Variants in AGPAT2 observed in about 807,000 individuals in gnomAD.
AGPAT2 encodes 1-acylglycerol-3-phosphate O-acyltransferase 2.
A neutral mutation model predicts 26.1 loss-of-function variants in AGPAT2; 18 were observed. The ratio of observed to expected loss-of-function variants is 0.69; its 90% CI spans 0.48 to 1.02. The LOEUF is 1.02. AGPAT2 is among the 50% of genes least tolerant of loss of function. The pLI, the probability that AGPAT2 is intolerant of heterozygous loss-of-function variation, is 0.00. For missense variants in AGPAT2, 415 were observed against 394.9 expected, an observed-to-expected ratio of 1.05 and a Z score of -0.43; for synonymous variants, 200 against 174.2, an observed-to-expected ratio of 1.15 and a Z score of -1.16.
At chr9:136,684,755 G>A (rs1467135265) in intron 1 of AGPAT2, among the ~76,000 whole-genome samples, 1 of 152,228 alleles carries the variant, frequency 6.6e-6, no homozygotes, top group Admixed American at 6.5e-5. Context: ...CTGGCTTGGG[G>A]ACCCTGCCCC....
intron 1 of AGPAT2, among the ~76,000 whole-genome samples, chr9:136,686,551 C>G (rs1159507801): frequency 6.6e-6 from 1 of 152,260 alleles, no homozygotes; most frequent in Admixed American, 6.5e-5. Context: ...TCCTTCCCTT[C>G]GCTTGGAAGC....
Position 136,680,469 on chromosome 9 carries a change from C to T in AGPAT2, c.183-2913G>A, listed in dbSNP as rs1382755687. ...CTCGAACTCCTGACCTCAGGTGATC[C>T]TCCCACCTCGGCCTCCCAAAGTGCT... On this transcript the variant is annotated intron_variant, in intron 1 of 5. Coordinates refer to ENST00000371696, the MANE Select transcript of AGPAT2 (RefSeq NM_006412.4). 4.6e-5 allele frequency among the ~76,000 whole-genome samples: 7 copies of T among 151,816 alleles called. 1 individual carries two copies. Among genetic ancestry groups the T allele is most frequent in the Admixed American group, 3.9e-4 (6 of 15,236 alleles).
At chr9:136,676,217 C>G (rs1489425191) in intron 4 of AGPAT2, among the ~76,000 whole-genome samples, 1 of 152,192 alleles carries the variant, frequency 6.6e-6, no homozygotes, top group Admixed American at 6.5e-5. Flanking sequence ...ACTGCCCATG[C>G]CCTGAAGCCC....
At chr9:136,674,089 T>C (rs1202011773) in intron 5 of AGPAT2, among the ~76,000 whole-genome samples, 162 bp from the exon 6 acceptor site, 2 of 152,216 alleles carry the variant, frequency 1.3e-5, no homozygotes, top group African/African-American at 2.4e-5. Flanking sequence ...GTTATTTTAA[T>C]TGCAGTAACG....
At chr9:136,685,685 TG>T (rs1846212749) in intron 1 of AGPAT2, among the ~76,000 whole-genome samples, 1 of 151,918 alleles carries the variant, frequency 6.6e-6, no homozygotes, top group Admixed American at 6.6e-5. Flanking sequence ...TTCCTCGGGG[TG>T]GGGGGCACCC....
rs751869602 is a variant in AGPAT2 at position 136,677,151 on chromosome 9, G to A, written c.317-15C>T. On this transcript the variant is annotated splice_polypyrimidine_tract_variant and intron_variant, in intron 2 of 5. Transcript: ENST00000371696. ...CTCCATGAGGCCTGGGAGACAGAGA[G>A]ACAGAGACAGAGAGAGAGGGGGAGA... The A allele has an allele frequency of 8.1e-6, 13 of 1,612,124 alleles. No individual in the cohort carries two copies. The highest frequency in any genetic ancestry group is 1.0e-5 in the Non-Finnish European group (12 of 1,179,574).
chr9:136,675,896 A>G (rs1846084445), intron 4 of AGPAT2, among the ~76,000 whole-genome samples: 1 of 152,144 alleles, frequency 6.6e-6, no homozygotes, highest in Non-Finnish European at 1.5e-5. Context: ...GCACAGGGCC[A>G]GGCACTGGGG....
intron 1 of AGPAT2, among the ~76,000 whole-genome samples, chr9:136,686,960 G>A (rs1239711112): frequency 6.6e-6 from 1 of 152,160 alleles, no homozygotes; most frequent in Non-Finnish European, 1.5e-5. Context: ...GTGGGGTGCT[G>A]GGCACTGTGA....
chr9:136,683,917 C>G (rs1846191446), intron 1 of AGPAT2, among the ~76,000 whole-genome samples: 1 of 152,228 alleles, frequency 6.6e-6, no homozygotes, highest in Admixed American at 6.5e-5. Context: ...TGGGTCAAAC[C>G]TTGCCCGACA....
rs12685163 is a variant in AGPAT2, at chr9:136,682,169, C to T, written c.183-4613G>A. On this transcript the variant is annotated intron_variant, in intron 1 of 5. Transcript: ENST00000371696. ...AGCTGGCAGAGTCGTGCTGGGGCGG[C>T]GCGGGCCCCCAGTAGGACTCTAGGA... 7.7e-4 allele frequency among the ~76,000 whole-genome samples: 117 copies of T among 152,300 alleles called. 2 individuals carry two copies. The East Asian group carries it at 0.02, about 26-fold the overall frequency.
intron 1 of AGPAT2, among the ~76,000 whole-genome samples, chr9:136,679,624 A>G (rs1217644523): frequency 6.6e-6 from 1 of 152,204 alleles, no homozygotes; most frequent in Non-Finnish European, 1.5e-5. Context: ...CGAGGAGGCA[A>G]AAGCCGGCAG....
intron 2 of AGPAT2, 47 bp downstream of exon 2, chr9:136,677,351 CCCAGCCCCACACAGCCCCAGCTCAG>C: frequency 6.2e-7 from 1 of 1,609,518 alleles, no homozygotes; most frequent in African/African-American, 1.3e-5. Context: ...GTCCCCGGGA[CCCAGCCCCACACAGCCCCAGCTCAG>C]CCGGCCCCAC....
intron 1 of AGPAT2, among the ~76,000 whole-genome samples, chr9:136,685,032 G>A (rs1229238508): frequency 6.6e-6 from 1 of 152,182 alleles, no homozygotes; most frequent in East Asian, 1.9e-4. Flanking sequence ...TGGGAGTCTT[G>A]GAAGTCATCA....
chr9:136,677,252 C>T (rs761823518), intron 2 of AGPAT2, 116 bp from the exon 3 acceptor site: 23 of 1,500,116 alleles, frequency 1.5e-5, no homozygotes, highest in East Asian at 2.4e-5. Context: ...GCTACCTGGA[C>T]GGGTCGTGTG....
At chr9:136,678,897 C>T (rs1220488336) in intron 1 of AGPAT2, among the ~76,000 whole-genome samples, 6 of 152,148 alleles carry the variant, frequency 3.9e-5, no homozygotes, top group East Asian at 1.9e-4. Context: ...GGACCACAGA[C>T]GTGAGCCACC....
intron 1 of AGPAT2, 126 bp downstream of exon 1, chr9:136,687,050 C>T: frequency 8.8e-7 from 1 of 1,141,792 alleles, no homozygotes; most frequent in Non-Finnish European, 1.2e-6. Context: ...CCCAGGCGCG[C>T]TCTCCCCGGA....
chr9:136,674,952 CT>C, intron 4 of AGPAT2, 145 bp from the exon 5 acceptor site: 1 of 498,164 alleles, frequency 2.0e-6, no homozygotes, highest in South Asian at 3.9e-5. Flanking sequence ...TGTCCTGCCC[CT>C]GGGACCTGGG....
chr9:136,687,071 G>T, intron 1 of AGPAT2, 105 bp downstream of exon 1: 1 of 1,312,138 alleles, frequency 7.6e-7, no homozygotes, highest in Non-Finnish European at 1.0e-6. Context: ...GCCCCGGAGC[G>T]GGGCGGGACG....
Position 136,677,064 on chromosome 9 carries a change from C to T in AGPAT2, c.389G>A (p.Gly130Asp), listed in dbSNP as rs1564291266. 1 of 1,613,208 alleles carries T rather than the reference C, an allele frequency of 6.2e-7. No individual in the cohort carries two copies. The highest frequency in any genetic ancestry group is 8.5e-7 in the Non-Finnish European group (1 of 1,179,986). The change falls in exon 3 of 6, where the codon GGC becomes GAC. Residue 130 changes from glycine (G) to aspartate (D), a missense_variant. Coordinates refer to ENST00000371696, the MANE Select transcript of AGPAT2 (RefSeq NM_006412.4). ...KRELLFLGPV[G>D]LIMYLGGVFF... is the part of the protein sequence containing the mutation. ...GACGCCCCCGAGGTACATGATGAGGCCCACGGGCCCCAGGAAGAGCAGCTC... is the reference window on the plus strand; with the variant it reads ...GACGCCCCCGAGGTACATGATGAGGTCCACGGGCCCCAGGAAGAGCAGCTC...
Sources: allele counts gnomAD v4.1 joint callset (sites outside exome capture counted in the v4.1 genomes callset), GRCh38; gene constraint gnomAD v4.1.1; transcripts MANE v1.5; gene names NCBI Gene and HGNC (gene_info 2026-07-23, HGNC 2026-07-21).